The following LIMK2 variants were observed in gnomAD, a reference collection of about 807,000 sequenced individuals.
The protein encoded by LIMK2 is LIM domain kinase 2.
A neutral mutation model predicts 75.7 loss-of-function variants in LIMK2; 35 were observed. That is an observed-to-expected ratio of 0.46 (90% confidence interval 0.35 to 0.61). The LOEUF is 0.61. Among genes scored for constraint, LIMK2 ranks in the 20% least tolerant of loss-of-function variants. The pLI is 0.00. For missense variants in LIMK2, 623 were observed against 831.0 expected (o/e 0.75, Z 3.08); for synonymous variants, 301 against 319.2 (o/e 0.94, Z 0.61).
At chr22:31,232,855 C>T (rs1390520499) in intron 2 of LIMK2, among the ~76,000 whole-genome samples, 3 of 152,090 alleles carry the variant, frequency 2.0e-5, no homozygotes, top group Admixed American at 2.0e-4. Context: ...ACCTGGGCCT[C>T]ACAAAGTGTT....
At chr22:31,237,028 G>A (rs1423664778) in intron 2 of LIMK2, among the ~76,000 whole-genome samples, 3 of 151,766 alleles carry the variant, frequency 2.0e-5, no homozygotes, top group African/African-American at 4.8e-5. Context: ...TTGGGAGGCC[G>A]AGGGGGGCGG....
intron 11 of LIMK2, among the ~76,000 whole-genome samples, chr22:31,269,031 T>G (rs1413045297): frequency 9.1e-6 from 1 of 109,718 alleles, no homozygotes; most frequent in Non-Finnish European, 2.2e-5. Context: ...GGCTTTTTGG[T>G]TTTTTTGTTT....
intron 12 of LIMK2, 93 bp from the exon 13 acceptor site, chr22:31,272,437 C>T (rs1461679835): frequency 8.3e-7 from 1 of 1,208,764 alleles, no homozygotes; most frequent in Non-Finnish European, 1.2e-6. Context: ...CCTTTTCTCC[C>T]CTTCTCAGTG....
chr22:31,270,396 A>G (rs1054204164), intron 11 of LIMK2, among the ~76,000 whole-genome samples: 1 of 152,300 alleles, frequency 6.6e-6, no homozygotes, highest in East Asian at 1.9e-4. Flanking sequence ...CAGGCAGGTC[A>G]TGAGCTATAG....
intron 2 of LIMK2, among the ~76,000 whole-genome samples, chr22:31,252,045 C>T (rs972922873): frequency 6.6e-6 from 1 of 152,172 alleles, no homozygotes; most frequent in Admixed American, 6.6e-5. Flanking sequence ...TGTGTAAATC[C>T]ACTGCAATAA....
intron 2 of LIMK2, among the ~76,000 whole-genome samples, chr22:31,248,977 G>A (rs557436677): frequency 1.1e-4 from 16 of 152,296 alleles, no homozygotes; most frequent in African/African-American, 3.6e-4. Context: ...ATACCCAGAA[G>A]GAACTTCTTA....
intron 2 of LIMK2, among the ~76,000 whole-genome samples, chr22:31,226,659 G>C (rs1249656017): frequency 6.6e-6 from 1 of 152,042 alleles, no homozygotes; most frequent in Non-Finnish European, 1.5e-5. Context: ...GCCCAGGCTG[G>C]TGTACAGTGA....
At chr22:31,232,606 C>T (rs1601407804) in intron 2 of LIMK2, among the ~76,000 whole-genome samples, 1 of 149,226 alleles carries the variant, frequency 6.7e-6, no homozygotes, top group African/African-American at 2.4e-5. Context: ...TTAATTAATT[C>T]ATTAATTAGC....
intron 15 of LIMK2, chr22:31,277,569 G>A (rs1240568539): frequency 1.0e-6 from 1 of 991,776 alleles, no homozygotes; most frequent in African/African-American, 1.7e-5. Flanking sequence ...AAGCTACACA[G>A]TATTTGTTTT....
intron 2 of LIMK2, among the ~76,000 whole-genome samples, chr22:31,255,397 C>T (rs2048768136): frequency 6.6e-6 from 1 of 152,150 alleles, no homozygotes; most frequent in Admixed American, 6.5e-5. Flanking sequence ...CCATACCCAG[C>T]CCTTAAGACC....
chr22:31,257,592 G>A (rs2123832567), intron 2 of LIMK2, among the ~76,000 whole-genome samples: 1 of 152,204 alleles, frequency 6.6e-6, no homozygotes, highest in East Asian at 1.9e-4. Flanking sequence ...TCCAAAAAAT[G>A]TTCATGGCTG....
chr22:31,215,992 T>C (rs1229525589), intron 1 of LIMK2, among the ~76,000 whole-genome samples: 2 of 152,150 alleles, frequency 1.3e-5, no homozygotes, highest in African/African-American at 4.8e-5. Flanking sequence ...ATAGACCAAA[T>C]CCCTTCCCTC....
intron 15 of LIMK2, chr22:31,277,691 C>A: frequency 3.0e-6 from 1 of 332,274 alleles, no homozygotes; most frequent in Non-Finnish European, 4.3e-6. Flanking sequence ...GTTACAGCAG[C>A]GAACAAAATA....
intron 2 of LIMK2, among the ~76,000 whole-genome samples, chr22:31,226,892 G>A (rs1375639444): frequency 6.6e-6 from 1 of 152,214 alleles, no homozygotes; most frequent in African/African-American, 2.4e-5. Flanking sequence ...TTACAGGCAT[G>A]AGCCACCGCG....
chr22:31,266,249 C>A, intron 8 of LIMK2, 117 bp downstream of exon 8: 1 of 1,050,894 alleles, frequency 9.5e-7, no homozygotes, highest in Non-Finnish European at 1.4e-6. Flanking sequence ...AGGCCTCCTT[C>A]CTGGCTTTGG....
intron 14 of LIMK2, among the ~76,000 whole-genome samples, chr22:31,274,774 G>A (rs1480429912): frequency 6.6e-6 from 1 of 152,110 alleles, no homozygotes; most frequent in Admixed American, 6.5e-5. Context: ...GCACTGGGCT[G>A]GTGCCAGAGG....
At chr22:31,214,078 A>G (rs769075326) in intron 1 of LIMK2, among the ~76,000 whole-genome samples, 6 of 152,054 alleles carry the variant, frequency 3.9e-5, no homozygotes, top group Admixed American at 1.3e-4. Context: ...CGGCCTCCCA[A>G]AGTGCTGGGA....
intron 2 of LIMK2, among the ~76,000 whole-genome samples, chr22:31,234,164 C>T (rs1400544075): frequency 1.3e-5 from 2 of 151,738 alleles, no homozygotes; most frequent in East Asian, 3.9e-4. Context: ...GGCACCGGCC[C>T]CCATACCCAG....
intron 2 of LIMK2, among the ~76,000 whole-genome samples, chr22:31,232,509 A>G (rs2048537714): frequency 6.6e-6 from 1 of 152,230 alleles, no homozygotes; most frequent in East Asian, 1.9e-4. Flanking sequence ...TTAACTATCC[A>G]AATATATCAA....
Sources: allele counts gnomAD v4.1 joint callset (sites outside exome capture counted in the v4.1 genomes callset), GRCh38; gene constraint gnomAD v4.1.1; transcripts MANE v1.5; gene names NCBI Gene and HGNC (gene_info 2026-07-23, HGNC 2026-07-21).